The following NT5DC1 variants were observed in gnomAD, a reference collection of about 807,000 sequenced individuals.
NT5DC1 encodes the protein 5'-nucleotidase domain containing 1.
NT5DC1 carries 42 observed loss-of-function variants against 59.4 expected under a neutral mutation model. That is an observed-to-expected ratio of 0.71 (90% CI 0.55 to 0.92). The LOEUF is 0.92. Ranked by LOEUF, NT5DC1 falls within the 40% of genes least tolerant of loss-of-function variation. The probability of loss-of-function intolerance (pLI) is 0.00; values close to 1 mark genes in which losing one functional copy is unlikely to be tolerated. For synonymous variants in NT5DC1, 172 were observed against 188.1 expected (o/e 0.91, Z 0.70); for missense variants, 501 against 537.1 (o/e 0.93, Z 0.66).
intron 6 of NT5DC1, among the ~76,000 whole-genome samples, chr6:116,208,154 G>A (rs182653683): frequency 6.6e-6 from 1 of 151,934 alleles, no homozygotes; most frequent in Non-Finnish European, 1.5e-5. Context: ...TATTTTTTCT[G>A]ATCTCTTTGT....
intron 6 of NT5DC1, among the ~76,000 whole-genome samples, chr6:116,170,836 G>A (rs529904155): frequency 1.3e-5 from 2 of 152,234 alleles, no homozygotes; most frequent in African/African-American, 2.4e-5. Context: ...ACTCCCACCT[G>A]CCGTGTAGCC....
At chr6:116,195,643 T>C (rs532773312) in intron 6 of NT5DC1, among the ~76,000 whole-genome samples, 2 of 152,170 alleles carry the variant, frequency 1.3e-5, no homozygotes, top group South Asian at 4.1e-4. Context: ...TGGCTGGCTA[T>C]CAGAACAGCT....
At chr6:116,209,711 G>A (rs1470784820) in intron 6 of NT5DC1, among the ~76,000 whole-genome samples, 1 of 151,846 alleles carries the variant, frequency 6.6e-6, no homozygotes, top group Non-Finnish European at 1.5e-5. Flanking sequence ...TCCTATCTCA[G>A]TGGAAGGTCT....
chr6:116,174,863 C>G (rs1441934259), intron 6 of NT5DC1, among the ~76,000 whole-genome samples: 1 of 152,106 alleles, frequency 6.6e-6, no homozygotes, highest in Admixed American at 6.6e-5. Flanking sequence ...CCTACAAACA[C>G]TACATAAGCC....
intron 11 of NT5DC1, 47 bp downstream of exon 11, chr6:116,239,170 A>G (rs376139143): frequency 7.7e-7 from 1 of 1,297,028 alleles, no homozygotes; most frequent in Admixed American, 1.9e-5. Flanking sequence ...CTAGACAATA[A>G]TGACCAGTAC....
At chr6:116,129,152 T>G (rs913234142) in intron 6 of NT5DC1, among the ~76,000 whole-genome samples, 12 of 152,182 alleles carry the variant, frequency 7.9e-5, no homozygotes, top group Admixed American at 7.9e-4. Flanking sequence ...GTCATCATCG[T>G]ATTAAAAAAT....
At chr6:116,104,815 G>A (rs1416901887) in intron 1 of NT5DC1, among the ~76,000 whole-genome samples, 1 of 152,042 alleles carries the variant, frequency 6.6e-6, no homozygotes, top group Non-Finnish European at 1.5e-5. Context: ...TGTACCACAG[G>A]GTGACTCAGT....
intron 6 of NT5DC1, among the ~76,000 whole-genome samples, chr6:116,152,344 C>T (rs534788920): frequency 6.6e-6 from 1 of 152,256 alleles, no homozygotes; most frequent in African/African-American, 2.4e-5. Flanking sequence ...ACTCCCATTC[C>T]TTTCTTTCTG....
intron 8 of NT5DC1, among the ~76,000 whole-genome samples, chr6:116,232,104 CAT>C (rs1394253385): frequency 6.6e-6 from 1 of 151,774 alleles, no homozygotes; most frequent in African/African-American, 2.4e-5. Flanking sequence ...TGTGTCTTCA[CAT>C]AGTCTTTCCT....
chr6:116,239,071 G>C lies in NT5DC1; in HGVS notation c.1200G>C (p.Lys400Asn). ...EDSLVYTWSC[K>N]RISTYSTIAI... ...CCTTGGTTTATACATGGTCTTGTAA[G>C]AGAATCAGTACTTACAGCACTATTG... The change falls in exon 11 of 12, where the codon AAG becomes AAC. Residue 400 changes from lysine to asparagine, a missense_variant. Lys to Asn is a moderately conservative substitution (Grantham distance 94). Coordinates refer to ENST00000319550, the MANE Select transcript of NT5DC1 (RefSeq NM_152729.3). 6.2e-7 allele frequency: 1 copy of C among 1,612,734 alleles called. No homozygotes were observed. The highest frequency in any genetic ancestry group is 8.5e-7 in the Non-Finnish European group (1 of 1,179,050).
At chr6:116,226,192 T>C (rs1418595416) in intron 8 of NT5DC1, among the ~76,000 whole-genome samples, 1 of 152,190 alleles carries the variant, frequency 6.6e-6, no homozygotes, top group African/African-American at 2.4e-5. Flanking sequence ...AAAATTTAAA[T>C]GTTTTTCCCT....
At chr6:116,149,283 T>C (rs1779974334) in intron 6 of NT5DC1, among the ~76,000 whole-genome samples, 1 of 152,198 alleles carries the variant, frequency 6.6e-6, no homozygotes. Flanking sequence ...AATAATAGCT[T>C]AAGTATATGT....
In NT5DC1 at chr6:116,115,725, G is replaced by A; in HGVS notation, c.399G>A (p.Leu133=). Reference sequence around the variant, plus strand: ...ACTTTTACGACAACTACTTTGACCTGCCAGGAGCTCTTCTGTGTGCCAGGG... The same window carrying A: ...ACTTTTACGACAACTACTTTGACCTACCAGGAGCTCTTCTGTGTGCCAGGG... ...KYYFYDNYFD[L]PGALLCARVV... Residue 133 remains leucine (L), a synonymous_variant, in exon 5 of 12, where the codon CTG becomes CTA. Coordinates refer to ENST00000319550, the MANE Select transcript of NT5DC1 (RefSeq NM_152729.3). The A allele has an allele frequency of 1.2e-6, 2 of 1,605,720 alleles. No individual in the cohort carries two copies. The highest frequency in any genetic ancestry group is 3.3e-5 in the Admixed American group (2 of 59,990).
chr6:116,194,829 T>C (rs191436947), intron 6 of NT5DC1, among the ~76,000 whole-genome samples: 34 of 152,184 alleles, frequency 2.2e-4, no homozygotes, highest in Admixed American at 2.2e-3. Flanking sequence ...TATTCTTTTC[T>C]ATTATAAGAC....
chr6:116,178,325 A>AT (rs1174988758), intron 6 of NT5DC1, among the ~76,000 whole-genome samples: 3 of 152,262 alleles, frequency 2.0e-5, no homozygotes, highest in Admixed American at 1.3e-4. Context: ...TCAGGGTGGT[A>AT]TGGCCATAAG....
intron 1 of NT5DC1, among the ~76,000 whole-genome samples, chr6:116,101,374 C>G (rs1435352982): frequency 1.3e-5 from 2 of 152,156 alleles, no homozygotes; most frequent in Non-Finnish European, 2.9e-5. Flanking sequence ...GATCTCACGT[C>G]GTGGAACTTT....
chr6:116,222,045 C>CTAA (rs1781819342), intron 7 of NT5DC1, among the ~76,000 whole-genome samples: 2 of 152,186 alleles, frequency 1.3e-5, no homozygotes, highest in African/African-American at 4.8e-5. Context: ...AGCCTTAAAA[C>CTAA]CTACCTTCAC....
intron 7 of NT5DC1, among the ~76,000 whole-genome samples, chr6:116,222,607 C>T (rs1781829091): frequency 6.6e-6 from 1 of 152,212 alleles, no homozygotes; most frequent in Admixed American, 6.5e-5. Flanking sequence ...ATGACCATGA[C>T]TTGCTATAAT....
chr6:116,190,614 C>T (rs539940516), intron 6 of NT5DC1, among the ~76,000 whole-genome samples: 85 of 152,108 alleles, frequency 5.6e-4, no homozygotes, highest in African/African-American at 1.6e-3. Context: ...ACACCCCATG[C>T]AGAAAGCCTC....
Sources: allele counts gnomAD v4.1 joint callset (sites outside exome capture counted in the v4.1 genomes callset), GRCh38; gene constraint gnomAD v4.1.1; transcripts MANE v1.5; gene names NCBI Gene and HGNC (gene_info 2026-07-23, HGNC 2026-07-21).